The following CMPK1 variants were observed in gnomAD, a reference collection of about 807,000 sequenced individuals.
The protein encoded by CMPK1 is UMP-CMP kinase.
CMPK1 carries 10 observed loss-of-function variants against 25.7 expected under a neutral mutation model. The observed-to-expected ratio is 0.39, with a 90% CI of 0.24 to 0.66. The LOEUF (loss-of-function observed/expected upper bound fraction) is 0.66. Among genes scored for constraint, CMPK1 ranks in the 30% least tolerant of loss-of-function variants. The pLI, the probability that CMPK1 is intolerant of heterozygous loss-of-function variation, is 0.48. For missense variants in CMPK1, 199 were observed against 280.5 expected (o/e 0.71, Z 2.08); for synonymous variants, 106 against 101.5 (o/e 1.04, Z -0.27).
At chr1:47,359,790 G>T (rs1241926317) in intron 1 of CMPK1, among the ~76,000 whole-genome samples, 2 of 152,062 alleles carry the variant, frequency 1.3e-5, no homozygotes, top group African/African-American at 2.4e-5. Flanking sequence ...GAGATTACAG[G>T]TGTGAGCCAC....
intron 2 of CMPK1, among the ~76,000 whole-genome samples, chr1:47,370,858 G>T (rs1646673596): frequency 6.6e-6 from 1 of 152,062 alleles, no homozygotes; most frequent in Admixed American, 6.6e-5. Flanking sequence ...GGCTGAGGCA[G>T]GAGAATTGCT....
intron 1 of CMPK1, among the ~76,000 whole-genome samples, chr1:47,352,529 A>AGGG (rs760199010): frequency 2.0e-5 from 3 of 151,626 alleles, no homozygotes; most frequent in South Asian, 2.1e-4. Flanking sequence ...GGGGAGGGAT[A>AGGG]GGGGGTCACA....
intron 1 of CMPK1, among the ~76,000 whole-genome samples, chr1:47,349,378 A>G (rs1260219359): frequency 6.6e-6 from 1 of 152,100 alleles, no homozygotes; most frequent in Non-Finnish European, 1.5e-5. Flanking sequence ...GCTTATCTCA[A>G]TTTCCCCTTT....
intron 1 of CMPK1, among the ~76,000 whole-genome samples, chr1:47,347,755 A>G (rs1269081879): frequency 6.6e-6 from 1 of 152,126 alleles, no homozygotes; most frequent in Non-Finnish European, 1.5e-5. Flanking sequence ...CCTCCCGAGT[A>G]GCTAGGACTA....
At chr1:47,362,937 A>G (rs1049809120) in intron 1 of CMPK1, among the ~76,000 whole-genome samples, 2 of 152,074 alleles carry the variant, frequency 1.3e-5, no homozygotes, top group African/African-American at 2.4e-5. Flanking sequence ...CTTTTTTCCA[A>G]CCTCTATGGG....
intron 1 of CMPK1, among the ~76,000 whole-genome samples, chr1:47,364,473 C>T (rs941908472): frequency 2.0e-5 from 3 of 151,672 alleles, no homozygotes; most frequent in African/African-American, 2.4e-5. Context: ...CCTGCCACCA[C>T]GCCTGGCTAA....
chr1:47,359,386 CT>C (rs71053107), intron 1 of CMPK1, among the ~76,000 whole-genome samples: 38,887 of 102,210 alleles, frequency 0.38, 7,176 homozygotes, highest in Middle Eastern at 0.48. Flanking sequence ...AACCTTTTTT[CT>C]TTTTTTTTTT....
At position 47,333,893 on chromosome 1, in the gene CMPK1, C is replaced by T; in HGVS notation, c.-53C>T. On this transcript the variant is annotated 5_prime_UTR_variant, in exon 1 of 6. Transcript: ENST00000371873. The stretch of plus-strand genomic sequence containing the variant: ...CTCCCGCCGCCTCCCCGCCCCGCCC[C>T]GCGCCGCGCCGGCCGCTGTCAGCTC... 1 of 1,196,316 alleles carries T rather than the reference C, an allele frequency of 8.4e-7. No homozygotes were observed. The highest frequency in any genetic ancestry group is 1.0e-6 in the Non-Finnish European group (1 of 958,022). The allele number at this position is 1,196,316 out of a possible 1,614,324, so 74.1% of individuals were successfully genotyped here.
At chr1:47,357,716 C>G (rs1646572134) in intron 1 of CMPK1, among the ~76,000 whole-genome samples, 1 of 151,928 alleles carries the variant, frequency 6.6e-6, no homozygotes, top group East Asian at 1.9e-4. Context: ...AACACCTAAC[C>G]TCAGGTGATC....
chr1:47,374,922 G>A lies in CMPK1; in HGVS notation c.485G>A (p.Arg162Gln), dbSNP rs149887048. Residue 162 changes from arginine (R) to glutamine (Q), a missense_variant, in exon 4 of 6, where the codon CGA becomes CAA. Transcript: ENST00000371873. ...ATCTCTTTTTAGATTTGTATTGAAC[G>A]ATGTCTTGAGAGGGGAAAGAGTAGT... is the stretch of plus-strand genomic sequence containing the variant. ...FDCNNEICIE[R>Q]CLERGKSSGR... is the part of the protein sequence containing the mutation. 2 of 1,610,752 alleles carry A rather than the reference G, an allele frequency of 1.2e-6. No individual in the cohort carries two copies. Among genetic ancestry groups the A allele is most frequent in the South Asian group, 2.2e-5 (2 of 90,954 alleles).
At chr1:47,348,059 T>C (rs758100837) in intron 1 of CMPK1, among the ~76,000 whole-genome samples, 2 of 141,158 alleles carry the variant, frequency 1.4e-5, no homozygotes, top group Non-Finnish European at 3.2e-5. Flanking sequence ...CCAGTTTAGA[T>C]GCTAATGCAA....
intron 1 of CMPK1, among the ~76,000 whole-genome samples, chr1:47,354,922 C>T (rs1326926116): frequency 6.6e-6 from 1 of 152,060 alleles, no homozygotes; most frequent in Non-Finnish European, 1.5e-5. Flanking sequence ...ATTTATACTT[C>T]TATGAAGTAT....
At chr1:47,370,232 A>T (rs968970609) in intron 2 of CMPK1, among the ~76,000 whole-genome samples, 1 of 150,938 alleles carries the variant, frequency 6.6e-6, no homozygotes, top group African/African-American at 2.4e-5. Flanking sequence ...TCTGTTTTTT[A>T]ACCCACGTCC....
At chr1:47,355,646 G>T (rs1003233186) in intron 1 of CMPK1, among the ~76,000 whole-genome samples, 2 of 147,604 alleles carry the variant, frequency 1.4e-5, no homozygotes, top group African/African-American at 5.0e-5. Context: ...TCGCTCTGTT[G>T]CCCAGGCTGG....
intron 1 of CMPK1, among the ~76,000 whole-genome samples, chr1:47,344,408 G>C (rs982865729): frequency 1.3e-5 from 2 of 152,092 alleles, no homozygotes; most frequent in Non-Finnish European, 2.9e-5. Flanking sequence ...ACCGACATAC[G>C]TGAGGCTGAC....
At chr1:47,339,636 C>G (rs933616582) in intron 1 of CMPK1, among the ~76,000 whole-genome samples, 92 of 151,364 alleles carry the variant, frequency 6.1e-4, no homozygotes, top group African/African-American at 2.2e-3. Context: ...GCAGTTGGCT[C>G]TCCCATTTTA....
intron 2 of CMPK1, 135 bp from the exon 3 acceptor site, chr1:47,372,820 T>G: frequency 2.0e-6 from 1 of 492,878 alleles, no homozygotes; most frequent in South Asian, 7.6e-5. Flanking sequence ...TTTCTTTTTT[T>G]TTTTTGCTAT....
intron 1 of CMPK1, among the ~76,000 whole-genome samples, chr1:47,352,013 C>T (rs981773679): frequency 5.3e-5 from 8 of 151,952 alleles, no homozygotes; most frequent in African/African-American, 1.9e-4. Context: ...GTTGCACATC[C>T]GTAATCCCAG....
Position 47,334,081 on chromosome 1 carries a change from G to A in CMPK1, c.136G>A (p.Ala46Thr), listed in dbSNP as rs2149322147. The A allele has an allele frequency of 6.5e-7, 1 of 1,537,408 alleles. No homozygotes were observed. The highest frequency in any genetic ancestry group is 8.8e-7 in the Non-Finnish European group (1 of 1,141,004). Residue 46 changes from alanine (A) to threonine (T), a missense_variant, in exon 1 of 6, where the codon GCC becomes ACC. Transcript: ENST00000371873. ...CGTGTTCGTCCTCGGCGGCCCCGGC[G>A]CCGGCAAGGGGACCCAGTGCGCCCG... is the stretch of plus-strand genomic sequence containing the variant. ...LVVFVLGGPG[A>T]GKGTQCARIV...
Sources: allele counts gnomAD v4.1 joint callset (sites outside exome capture counted in the v4.1 genomes callset), GRCh38; gene constraint gnomAD v4.1.1; transcripts MANE v1.5; gene names NCBI Gene and HGNC (gene_info 2026-07-23, HGNC 2026-07-21).